UNC13C: variants seen among roughly 807,000 people sequenced by gnomAD.
UNC13C encodes the protein protein unc-13 homolog C.
Under a neutral mutation model 245.4 loss-of-function variants are expected in UNC13C, and 174 were observed. The ratio of observed to expected loss-of-function variants is 0.71; its 90% confidence interval spans 0.63 to 0.80. UNC13C has a LOEUF of 0.80. Among genes scored for constraint, UNC13C ranks in the 30% least tolerant of loss-of-function variants. The pLI, the probability that UNC13C is intolerant of heterozygous loss-of-function variation, is 0.00. For missense variants in UNC13C, 2,829 were observed against 2,602.9 expected (o/e 1.09, Z -1.89); for synonymous variants, 992 against 895.1 (o/e 1.11, Z -1.93).
intron 19 of UNC13C, among the ~76,000 whole-genome samples, chr15:54,488,003 TTC>T (rs1893511319): frequency 6.6e-6 from 1 of 150,524 alleles, no homozygotes; most frequent in African/African-American, 2.5e-5. Flanking sequence ...TTTTGATGAT[TTC>T]TTGCCTCCAA....
upstream of UNC13C, among the ~76,000 whole-genome samples, chr15:53,974,621 C>G (rs1173466087): frequency 6.6e-6 from 1 of 152,204 alleles, no homozygotes; most frequent in Non-Finnish European, 1.5e-5. Flanking sequence ...AGTACAGCAT[C>G]CATATCTTGT....
chr15:54,241,245 T>C (rs12439702), intron 7 of UNC13C, among the ~76,000 whole-genome samples: 91,226 of 152,028 alleles, frequency 0.6, 29,693 homozygotes, highest in African/African-American at 0.86. Flanking sequence ...TAGGAAGTGT[T>C]CATTCTCAGT....
intron 4 of UNC13C, among the ~76,000 whole-genome samples, chr15:54,167,298 C>A (rs985020503): frequency 1.3e-4 from 20 of 151,852 alleles, no homozygotes; most frequent in African/African-American, 4.8e-4. Context: ...GTCAGGAGAT[C>A]GAGACCATCC....
At chr15:54,210,237 AAT>A (rs5812750) in intron 4 of UNC13C, among the ~76,000 whole-genome samples, 44,827 of 145,888 alleles carry the variant, frequency 0.31, 7,045 homozygotes, top group African/African-American at 0.38. Context: ...TAACTGCATT[AAT>A]ATATATATAT....
intron 8 of UNC13C, among the ~76,000 whole-genome samples, chr15:54,250,663 C>G (rs1486342303): frequency 1.3e-5 from 2 of 151,856 alleles, no homozygotes; most frequent in Non-Finnish European, 2.9e-5. Context: ...GGGTGAGTAC[C>G]TGGAGTGAAA....
At position 54,015,562 on chromosome 15, in the gene UNC13C, G is replaced by A. The variant is rs756894719; in HGVS notation, c.2659G>A (p.Ala887Thr). The change falls in exon 2 of 33, where the codon GCT becomes ACT. Residue 887 changes from alanine (A) to threonine (T), a missense_variant. By Grantham distance (58) the Ala-to-Thr change is moderately conservative. Coordinates refer to ENST00000260323, the MANE Select transcript of UNC13C (RefSeq NM_001080534.3). Reference sequence around the variant, plus strand: ...TGTTGAAGTCATGGAACAAGTCCTTGCTAAACTAGAAAACAGGACTAGTAT... The same window carrying A: ...TGTTGAAGTCATGGAACAAGTCCTTACTAAACTAGAAAACAGGACTAGTAT... ...DYVEVMEQVL[A>T]KLENRTSITE... 3 of 1,613,752 alleles carry A rather than the reference G, an allele frequency of 1.9e-6. No homozygotes were observed. Among genetic ancestry groups the A allele is most frequent in the Non-Finnish European group, 1.7e-6 (2 of 1,179,780 alleles).
chr15:54,182,574 C>G (rs575217504), intron 4 of UNC13C, among the ~76,000 whole-genome samples: 2 of 152,106 alleles, frequency 1.3e-5, no homozygotes, highest in African/African-American at 4.8e-5. Flanking sequence ...GGAATAGTTT[C>G]AGTTGAATTG....
intron 29 of UNC13C, among the ~76,000 whole-genome samples, chr15:54,565,385 C>A (rs1232893408): frequency 6.6e-6 from 1 of 151,858 alleles, no homozygotes; most frequent in Non-Finnish European, 1.5e-5. Flanking sequence ...CAGACACTAC[C>A]ACAGATGCTG....
At chr15:54,018,333 A>G (rs970296399) in intron 2 of UNC13C, among the ~76,000 whole-genome samples, 10 of 152,154 alleles carry the variant, frequency 6.6e-5, no homozygotes, top group Admixed American at 5.9e-4. Flanking sequence ...TGGAGTGCAG[A>G]GCTCTTGCTG....
intron 2 of UNC13C, among the ~76,000 whole-genome samples, chr15:54,099,400 G>C (rs931633655): frequency 6.6e-6 from 1 of 152,098 alleles, no homozygotes; most frequent in East Asian, 1.9e-4. Flanking sequence ...CCAGTAAGTG[G>C]TCTCACTATA....
downstream of UNC13C, chr15:54,630,763 T>C (rs1901441628): frequency 6.6e-6 from 1 of 152,178 alleles, no homozygotes; most frequent in African/African-American, 2.4e-5. Flanking sequence ...CAGTGTGATT[T>C]TTAGAATAAA....
chr15:54,526,592 A>G (rs546413996), intron 25 of UNC13C, among the ~76,000 whole-genome samples: 1 of 151,562 alleles, frequency 6.6e-6, no homozygotes, highest in East Asian at 1.9e-4. Context: ...AACAAACAAA[A>G]AAGTAGCCGG....
At chr15:54,540,466 T>C (rs1896194635) in intron 26 of UNC13C, among the ~76,000 whole-genome samples, 1 of 152,102 alleles carries the variant, frequency 6.6e-6, no homozygotes, top group East Asian at 1.9e-4. Flanking sequence ...ATATATGCTT[T>C]TCAGCTTACA....
chr15:54,305,988 T>C (rs2037714967), intron 13 of UNC13C, among the ~76,000 whole-genome samples: 1 of 152,038 alleles, frequency 6.6e-6, no homozygotes, highest in South Asian at 2.1e-4. Flanking sequence ...TCTTTGAAGA[T>C]GGATTTGGAG....
chr15:54,078,772 C>G (rs1351547375), intron 2 of UNC13C, among the ~76,000 whole-genome samples: 1 of 152,042 alleles, frequency 6.6e-6, no homozygotes. Context: ...ATTCTGTAGG[C>G]TGCTTCCTCT....
chr15:54,588,735 T>C (rs1460891521), intron 30 of UNC13C, among the ~76,000 whole-genome samples: 1 of 152,220 alleles, frequency 6.6e-6, no homozygotes, highest in Non-Finnish European at 1.5e-5. Flanking sequence ...GAACATGCAA[T>C]GTTTGATTTT....
At chr15:54,464,900 A>C (rs1892085668) in intron 19 of UNC13C, among the ~76,000 whole-genome samples, 1 of 151,798 alleles carries the variant, frequency 6.6e-6, no homozygotes, top group Non-Finnish European at 1.5e-5. Context: ...TTAACCTCTT[A>C]GAACTTCTAT....
intron 19 of UNC13C, among the ~76,000 whole-genome samples, chr15:54,425,746 G>A (rs941687860): frequency 7.9e-5 from 12 of 151,846 alleles, no homozygotes; most frequent in African/African-American, 2.9e-4. Context: ...GACATAGTGT[G>A]TTTATTAGTC....
At chr15:53,900,939 T>C in the UNC13C span, among the ~76,000 whole-genome samples, 1 of 152,138 alleles carries the variant, frequency 6.6e-6, no homozygotes, top group Non-Finnish European at 1.5e-5. Context: ...CTTTTCAACA[T>C]TAGTCTTGAT....
Sources: gnomAD v4.1 joint callset for allele counts (sites outside exome capture counted in the v4.1 genomes callset) on GRCh38, gnomAD v4.1.1 for gene constraint, MANE v1.5 for transcripts, NCBI Gene and HGNC (gene_info 2026-07-23, HGNC 2026-07-21) for gene names.